MAP4K3: variants seen among roughly 807,000 people sequenced by gnomAD.
MAP4K3 encodes the protein MAPK/ERK kinase kinase kinase 3.
Under a neutral mutation model 143.5 loss-of-function variants are expected in MAP4K3, and 94 were observed. The observed-to-expected ratio is 0.65, with a 90% CI of 0.55 to 0.78. The LOEUF (loss-of-function observed/expected upper bound fraction) is 0.78. Among genes scored for constraint, MAP4K3 ranks in the 30% least tolerant of loss-of-function variants. The pLI, the probability that MAP4K3 is intolerant of heterozygous loss-of-function variation, is 0.00. For missense variants in MAP4K3, 1,077 were observed against 1,068.1 expected (o/e 1.01, Z -0.12); for synonymous variants, 416 against 347.2 (o/e 1.20, Z -2.20).
At chr2:39,435,590 C>A (rs1356681137) in intron 1 of MAP4K3, among the ~76,000 whole-genome samples, 1 of 152,160 alleles carries the variant, frequency 6.6e-6, no homozygotes, top group African/African-American at 2.4e-5. Flanking sequence ...AACCCTGATC[C>A]TAATACTCTT....
chr2:39,342,464 T>C (rs1409056806), intron 4 of MAP4K3, among the ~76,000 whole-genome samples: 1 of 152,184 alleles, frequency 6.6e-6, no homozygotes, highest in African/African-American at 2.4e-5. Context: ...TTTACCTATC[T>C]TTTAAAGACC....
intron 1 of MAP4K3, among the ~76,000 whole-genome samples, chr2:39,384,568 CA>C (rs1211240292): frequency 2.0e-5 from 3 of 152,104 alleles, no homozygotes; most frequent in Non-Finnish European, 4.4e-5. Context: ...AGCAACAAAA[CA>C]AAGAAAACCC....
chr2:39,315,534 A>C (rs1390330646), intron 12 of MAP4K3, 146 bp from the exon 13 acceptor site: 6 of 556,172 alleles, frequency 1.1e-5, no homozygotes, highest in Non-Finnish European at 1.6e-5. Flanking sequence ...TTTTTTAAAA[A>C]AGCAAACCAC....
At chr2:39,272,967 T>C (rs562173660) in intron 24 of MAP4K3, among the ~76,000 whole-genome samples, 94 of 151,902 alleles carry the variant, frequency 6.2e-4, no homozygotes, top group African/African-American at 2.2e-3. Flanking sequence ...AAAAGCATCA[T>C]GGTGTAGTGG....
chr2:39,313,037 G>T (rs1162918554), intron 13 of MAP4K3, among the ~76,000 whole-genome samples: 1 of 152,154 alleles, frequency 6.6e-6, no homozygotes, highest in East Asian at 1.9e-4. Flanking sequence ...TGCATTTCCA[G>T]AAAGGGAGCA....
At chr2:39,327,330 T>C (rs1573156011) in intron 8 of MAP4K3, among the ~76,000 whole-genome samples, 1 of 152,212 alleles carries the variant, frequency 6.6e-6, no homozygotes, top group Non-Finnish European at 1.5e-5. Flanking sequence ...TAAAAACAAG[T>C]GTCTACTTTT....
At chr2:39,398,283 T>C (rs1245071954) in intron 1 of MAP4K3, among the ~76,000 whole-genome samples, 2 of 151,522 alleles carry the variant, frequency 1.3e-5, no homozygotes, top group African/African-American at 4.9e-5. Context: ...AACAAACGAA[T>C]ACTATATAGT....
At chr2:39,315,894 A>G (rs192308064) in intron 12 of MAP4K3, among the ~76,000 whole-genome samples, 1 of 152,284 alleles carries the variant, frequency 6.6e-6, no homozygotes, top group African/African-American at 2.4e-5. Flanking sequence ...AATAATTTTT[A>G]AAAACTACAC....
At chr2:39,345,139 G>C (rs1440058001) in intron 3 of MAP4K3, among the ~76,000 whole-genome samples, 1 of 152,152 alleles carries the variant, frequency 6.6e-6, no homozygotes, top group African/African-American at 2.4e-5. Context: ...ACAGGAGTCT[G>C]AGGGAAGAGG....
Position 39,422,692 on chromosome 2 carries a change from G to C in MAP4K3, c.96+14200C>G, listed in dbSNP as rs946269990. Among the ~76,000 whole-genome samples, 33 of 152,202 alleles carry C rather than the reference G, an allele frequency of 2.2e-4. 1 individual carries two copies. The highest frequency in any genetic ancestry group is 1.6e-3 in the Admixed American group (25 of 15,290). ...ACGGTCTTTTCAACAAATAGTACTG[G>C]AACAACTGTACATTGACGTGCAAAA... On this transcript the variant is annotated intron_variant, in intron 1 of 33. Transcript: ENST00000263881.
In MAP4K3 at chr2:39,369,455, C is replaced by T. The variant is rs556840413; in HGVS notation, c.154+8611G>A. On this transcript the variant is annotated intron_variant, in intron 2 of 33. Transcript: ENST00000263881. The stretch of plus-strand genomic sequence containing the variant: ...AGCTACTGGGCCTGGCTGCTTTGGG[C>T]TAGTATTTAAGGCTTTCCATAAACT... Among the ~76,000 whole-genome samples the T allele has an allele frequency of 7.2e-5, 11 of 152,138 alleles. No homozygotes were observed. The South Asian group carries it at 2.1e-3, about 29-fold the overall frequency.
chr2:39,300,612 T>C (rs916516437), intron 15 of MAP4K3, among the ~76,000 whole-genome samples: 2 of 152,218 alleles, frequency 1.3e-5, no homozygotes, highest in African/African-American at 2.4e-5. Flanking sequence ...GGGGGAATAT[T>C]TGACATTTAA....
chr2:39,293,406 G>C, intron 16 of MAP4K3, 138 bp from the exon 17 acceptor site: 1 of 603,794 alleles, frequency 1.7e-6, no homozygotes, highest in Admixed American at 3.4e-5. Context: ...ATTTGCTAGT[G>C]ATCACCTCTG....
chr2:39,425,150 C>A (rs1360401730), intron 1 of MAP4K3, among the ~76,000 whole-genome samples: 1 of 151,078 alleles, frequency 6.6e-6, no homozygotes, highest in Non-Finnish European at 1.5e-5. Context: ...CAATTTAAAC[C>A]ACAAAGATTC....
At chr2:39,403,949 C>T (rs1667022576) in intron 1 of MAP4K3, among the ~76,000 whole-genome samples, 1 of 151,442 alleles carries the variant, frequency 6.6e-6, no homozygotes. Flanking sequence ...GCCCTAGCTC[C>T]CAGATAATAT....
chr2:39,396,528 G>A (rs1375884827), intron 1 of MAP4K3, among the ~76,000 whole-genome samples: 1 of 148,794 alleles, frequency 6.7e-6, no homozygotes, highest in Non-Finnish European at 1.5e-5. Context: ...CGCCCAGGCT[G>A]GAGTGCAATG....
chr2:39,337,835 C>A (rs985471724), intron 4 of MAP4K3, among the ~76,000 whole-genome samples: 14 of 139,826 alleles, frequency 1.0e-4, no homozygotes, highest in African/African-American at 3.7e-4. Flanking sequence ...TCACAGCTCA[C>A]TGCAGCCTCG....
At chr2:39,273,966 T>C (rs143999894) in intron 24 of MAP4K3, among the ~76,000 whole-genome samples, 4 of 152,352 alleles carry the variant, frequency 2.6e-5, no homozygotes, top group African/African-American at 9.6e-5. Context: ...TACAGATTTT[T>C]ATTTAATTCA....
At chr2:39,337,626 G>T in intron 4 of MAP4K3, 45 bp from the exon 5 acceptor site, 1 of 1,271,070 alleles carries the variant, frequency 7.9e-7, no homozygotes, top group Non-Finnish European at 1.1e-6. Flanking sequence ...GTCAACGCAT[G>T]TTTTTCAATA....
Sources: gnomAD v4.1 joint callset for allele counts (sites outside exome capture counted in the v4.1 genomes callset) on GRCh38, gnomAD v4.1.1 for gene constraint, MANE v1.5 for transcripts, NCBI Gene and HGNC (gene_info 2026-07-23, HGNC 2026-07-21) for gene names.